Variants in SACS observed in about 807,000 individuals in gnomAD.
SACS encodes the protein sacsin.
In SACS, 197 loss-of-function variants were observed where a neutral mutation model predicts 348.0. That is an observed-to-expected ratio of 0.57 (90% CI 0.50 to 0.64). The LOEUF is 0.64. Among genes scored for constraint, SACS ranks in the 30% least tolerant of loss-of-function variants. The probability of loss-of-function intolerance (pLI) is 0.00; values close to 1 mark genes in which losing one functional copy is unlikely to be tolerated. For missense variants in SACS, 4,999 were observed against 5,360.8 expected, an observed-to-expected ratio of 0.93 and a Z score of 2.11; for synonymous variants, 1,985 against 1,910.6, an observed-to-expected ratio of 1.04 and a Z score of -1.02.
chr13:23,338,537 G>A lies in SACS; in HGVS notation c.5339C>T (p.Pro1780Leu). 1 of 1,614,148 alleles carries A rather than the reference G, an allele frequency of 6.2e-7. No homozygotes were observed. Among genetic ancestry groups the A allele is most frequent in the Non-Finnish European group, 8.5e-7 (1 of 1,180,002 alleles). Residue 1780 changes from proline to leucine, a missense_variant, in exon 10 of 10, where the codon CCA becomes CTA. By Grantham distance (98) the Pro-to-Leu change is moderately conservative (BLOSUM62 -3). This residue lies in a region of SACS where 3,156 missense variants were observed against 3,380.1 expected (regional missense o/e 0.93). Transcript: ENST00000382292. ...GTCATCATCTGGACCTCTAAAAAGT[G>A]GCGACTGTAAATCAGCAATCCTTCT... ...VFRRIADLQS[P>L]LFRGPDDDPA...
chr13:23,348,737 G>C (rs917027404), intron 9 of SACS, among the ~76,000 whole-genome samples: 5 of 152,134 alleles, frequency 3.3e-5, no homozygotes, highest in Admixed American at 2.0e-4. Flanking sequence ...GCTGGGCAAA[G>C]TAGAGGATGG....
At chr13:23,367,426 T>C (rs1871125511) in intron 5 of SACS, among the ~76,000 whole-genome samples, 1 of 152,130 alleles carries the variant, frequency 6.6e-6, no homozygotes, top group South Asian at 2.1e-4. Flanking sequence ...AGGGCCAAGA[T>C]ACTGAAGGTA....
chr13:23,350,294 T>C (rs1869871552), intron 9 of SACS, among the ~76,000 whole-genome samples: 1 of 152,112 alleles, frequency 6.6e-6, no homozygotes, highest in Non-Finnish European at 1.5e-5. Context: ...GTACAGACAA[T>C]AAGACAACTC....
At chr13:23,358,000 G>A (rs1381733712) in intron 7 of SACS, among the ~76,000 whole-genome samples, 4 of 152,202 alleles carry the variant, frequency 2.6e-5, no homozygotes, top group Non-Finnish European at 4.4e-5. Flanking sequence ...TTGACTTGAA[G>A]AGTTGCAGTT....
rs1364796862 is a variant in SACS, at chr13:23,337,641, A to G, written c.6235T>C (p.Phe2079Leu). Residue 2079 changes from phenylalanine (F) to leucine (L), a missense_variant, in exon 10 of 10, where the codon TTT becomes CTT. Phe to Leu is a conservative substitution (Grantham distance 22). Transcript: ENST00000382292. ...TCATCAACTTTTTCATTTAGAACAA[A>G]GATCATTAAAGGATCTCTAAGTTCT... ...EAELRDPLMI[F>L]VLNEKVDEFS... 2.5e-6 allele frequency: 4 copies of G among 1,613,798 alleles called. No individual in the cohort carries two copies. In the Admixed American group the frequency reaches 6.7e-5, roughly 27 times the overall value.
At chr13:23,361,514 C>T (rs963648630) in intron 6 of SACS, among the ~76,000 whole-genome samples, 3 of 152,020 alleles carry the variant, frequency 2.0e-5, no homozygotes, top group Non-Finnish European at 4.4e-5. Flanking sequence ...TGGTGGCTCA[C>T]GCCTGTAATC....
At chr13:23,374,905 G>A (rs1871641468) in intron 3 of SACS, among the ~76,000 whole-genome samples, 2 of 150,836 alleles carry the variant, frequency 1.3e-5, no homozygotes, top group Admixed American at 1.3e-4. Flanking sequence ...AGAAAGTGAA[G>A]ATTCAGATGA....
In SACS at chr13:23,354,507, G is replaced by A. The variant is rs1470472708; in HGVS notation, c.2093+12C>T. 2 of 1,612,474 alleles carry A rather than the reference G, an allele frequency of 1.2e-6. No homozygotes were observed. The highest frequency in any genetic ancestry group is 1.1e-5 in the South Asian group (1 of 91,020). Reference sequence around the variant, plus strand: ...TAAGAGTGAACAGGAATGTTAGAAGGGGGACCCCTACCTTGGATATTCTGC... The same window carrying A: ...TAAGAGTGAACAGGAATGTTAGAAGAGGGACCCCTACCTTGGATATTCTGC... On this transcript the variant is annotated intron_variant, in intron 8 of 9. Transcript: ENST00000382292.
chr13:23,373,026 T>A (rs553944840), intron 3 of SACS, among the ~76,000 whole-genome samples: 1 of 152,070 alleles, frequency 6.6e-6, no homozygotes, highest in Non-Finnish European at 1.5e-5. Context: ...ACTTTCACCA[T>A]CCCATATCCA....
chr13:23,355,166 C>G lies in SACS; in HGVS notation c.1446G>C (p.Leu482=). ...AGGCTGCCGGGTCTCTCCACTGGTC[C>G]AGCTCTCTCCATTTTATGCTCCTGC... is the stretch of plus-strand genomic sequence containing the variant. ...DNRRSIKWRE[L]DQWRDPAALW... The change falls in exon 8 of 10, where the codon CTG becomes CTC. Residue 482 remains leucine, a synonymous_variant. Transcript: ENST00000382292. 1.2e-6 allele frequency: 2 copies of G among 1,614,170 alleles called. No individual in the cohort carries two copies. Among genetic ancestry groups the G allele is most frequent in the South Asian group, 2.2e-5 (2 of 91,090 alleles).
Position 23,339,571 on chromosome 13 carries a change from T to G in SACS, c.4305A>C (p.Lys1435Asn), listed in dbSNP as rs1466627498. ...TCAGTCTTGTACTAAGGCATGGAAC[T>G]TTTAGCCATTCTGCAGTTTTCATGG... ...DIPMKTAEWL[K>N]VPCLSTRLIN... Residue 1435 changes from lysine to asparagine, a missense_variant, in exon 10 of 10, where the codon AAA (lysine) becomes AAC (asparagine). This residue lies in a region of SACS where 3,156 missense variants were observed against 3,380.1 expected (regional missense o/e 0.93). Transcript: ENST00000382292. 1.2e-6 allele frequency: 2 copies of G among 1,612,828 alleles called. No individual in the cohort carries two copies. Among genetic ancestry groups the G allele is most frequent in the South Asian group, 1.1e-5 (1 of 91,040 alleles).
Position 23,340,005 on chromosome 13 carries a change from C to T in SACS, c.3871G>A (p.Val1291Met). 1 of 1,613,334 alleles carries T rather than the reference C, an allele frequency of 6.2e-7. No homozygotes were observed. The highest frequency in any genetic ancestry group is 8.5e-7 in the Non-Finnish European group (1 of 1,179,706). The change falls in exon 10 of 10, where the codon GTG (valine) becomes ATG (methionine). Residue 1291 changes from valine to methionine, a missense_variant. This residue lies in a region of SACS where 3,156 missense variants were observed against 3,380.1 expected (regional missense o/e 0.93). Transcript: ENST00000382292. ...GKKFCPLAQA[V>M]IKPIHDLDLQ... ...TCAAGATCATGGATTGGTTTAATCA[C>T]AGCCTGGGCAAGTGGACAAAACTTT... is the stretch of plus-strand genomic sequence containing the variant.
Position 23,353,840 on chromosome 13 carries a change from C to T in SACS, c.2130G>A (p.Leu710=). The part of the protein sequence containing the change: ...LFPSLEGRFI[L]DNLKPHLVAA... ...CCACAAGGTGAGGTTTCAAGTTATC[C>T]AAAATAAATCTTCCTTCAAGACTTG... The change falls in exon 9 of 10, where the codon TTG becomes TTA. Residue 710 remains leucine (L), a synonymous_variant. Coordinates refer to ENST00000382292, the MANE Select transcript of SACS (RefSeq NM_014363.6). The T allele has an allele frequency of 6.2e-7, 1 of 1,610,604 alleles. No individual in the cohort carries two copies. The highest frequency in any genetic ancestry group is 1.1e-5 in the South Asian group (1 of 90,938).
chr13:23,338,510 G>A lies in SACS; in HGVS notation c.5366C>T (p.Pro1789Leu). The change falls in exon 10 of 10, where the codon CCA becomes CTA. Residue 1789 changes from proline (P) to leucine (L), a missense_variant. By Grantham distance (98) the Pro-to-Leu change is moderately conservative (BLOSUM62 -3). Around this residue, in one of 6 missense-constraint regions of SACS, gnomAD observed 3,156 missense variants for 3,380.1 expected, o/e 0.93. Coordinates refer to ENST00000382292, the MANE Select transcript of SACS (RefSeq NM_014363.6). ...CTTAGCCATTTCAAAGAGAGCAGCT[G>A]GGTCATCATCTGGACCTCTAAAAAG... ...SPLFRGPDDDPAALFEMAKSG... is the reference protein window; with the variant it reads ...SPLFRGPDDDLAALFEMAKSG... The A allele has an allele frequency of 1.2e-6, 2 of 1,614,154 alleles. No individual in the cohort carries two copies. The highest frequency in any genetic ancestry group is 1.1e-5 in the South Asian group (1 of 91,078).
chr13:23,369,701 T>C (rs748831108), intron 4 of SACS, among the ~76,000 whole-genome samples: 36 of 152,054 alleles, frequency 2.4e-4, no homozygotes, highest in Non-Finnish European at 4.6e-4. Flanking sequence ...CCCGCCACCA[T>C]ACCCAGCTAA....
At chr13:23,419,153 C>T (rs1338310133) in intron 1 of SACS, 1 of 152,390 alleles carries the variant, frequency 6.6e-6, no homozygotes, top group East Asian at 1.9e-4. Flanking sequence ...CAGGGCAGCT[C>T]CGCCAGGGAA....
Position 23,330,237 on chromosome 13 carries a change from T to C in SACS, c.13639A>G (p.Ile4547Val). ...RYPDLLPFPQIPNDRFTSEVA... is the reference protein window; with the variant it reads ...RYPDLLPFPQVPNDRFTSEVA... ...TCAGAAGTGAACCTGTCATTTGGGA[T>C]CTGAGGAAAGGGAAGCAAATCAGGG... The change falls in exon 10 of 10, where the codon ATC becomes GTC. Residue 4547 changes from isoleucine (I) to valine (V), a missense_variant. Transcript: ENST00000382292. 1 of 1,614,168 alleles carries C rather than the reference T, an allele frequency of 6.2e-7. No homozygotes were observed. Among genetic ancestry groups the C allele is most frequent in the Non-Finnish European group, 8.5e-7 (1 of 1,179,996 alleles).
rs759975634 is a variant in SACS, at chr13:23,368,076, C to CTGGCTGGT, written c.345+325_345+326insACCAGCCA. Among the ~76,000 whole-genome samples the CTGGCTGGT allele has an allele frequency of 6.6e-5, 10 of 151,980 alleles. 1 individual carries two copies. In the East Asian group the frequency reaches 9.7e-4, roughly 15 times the overall value. ...TTTGGCTGGCCGGTTGGCTGGCTGG[C>CTGGCTGGT]TGGTTGGTTGGTTGGTTGGTTGGTT... On this transcript the variant is annotated intron_variant, in intron 5 of 9. Transcript: ENST00000382292.
chr13:23,372,747 G>A (rs929200573), intron 3 of SACS, among the ~76,000 whole-genome samples: 2 of 152,070 alleles, frequency 1.3e-5, no homozygotes, highest in South Asian at 2.1e-4. Context: ...TGATGATTAC[G>A]TCTTTATTTT....
Sources: gnomAD v4.1 joint callset for allele counts (sites outside exome capture counted in the v4.1 genomes callset) on GRCh38, gnomAD v4.1.1 for gene constraint, gnomAD v4.1.1 regional missense constraint, MANE v1.5 for transcripts, NCBI Gene and HGNC (gene_info 2026-07-23, HGNC 2026-07-21) for gene names.